SGCD: variants seen among roughly 807,000 people sequenced by gnomAD.
SGCD encodes delta-sarcoglycan.
In SGCD, 18 loss-of-function variants were observed where a neutral mutation model predicts 36.6. The ratio of observed to expected loss-of-function variants is 0.49; its 90% confidence interval spans 0.34 to 0.73. SGCD has a LOEUF of 0.73. Among genes scored for constraint, SGCD ranks in the 30% least tolerant of loss-of-function variants. The pLI is 0.01. For synonymous variants in SGCD, 133 were observed against 130.6 expected (o/e 1.02, Z -0.12); for missense variants, 387 against 346.7 (o/e 1.12, Z -0.92).
intron 1 of SGCD, among the ~76,000 whole-genome samples, chr5:156,078,518 A>AT (rs1222887708): frequency 5.0e-4 from 60 of 120,254 alleles, no homozygotes; most frequent in African/African-American, 1.0e-3. Context: ...CTCAAAAAAA[A>AT]AAATATATAT....
chr5:156,486,574 C>T (rs902553976), intron 3 of SGCD, among the ~76,000 whole-genome samples: 1 of 152,136 alleles, frequency 6.6e-6, no homozygotes, highest in Non-Finnish European at 1.5e-5. Flanking sequence ...CAGCCCCACC[C>T]ACTGATGTCA....
chr5:156,581,538 A>G (rs1469425320), intron 4 of SGCD, among the ~76,000 whole-genome samples: 1 of 152,156 alleles, frequency 6.6e-6, no homozygotes, highest in Non-Finnish European at 1.5e-5. Flanking sequence ...TGGAGTCTAC[A>G]GAGGCAGCAG....
chr5:156,545,263 T>C (rs545797171), intron 4 of SGCD, among the ~76,000 whole-genome samples: 42 of 151,690 alleles, frequency 2.8e-4, no homozygotes, highest in Admixed American at 1.1e-3. Context: ...TTCAATACAG[T>C]GAAAGGAAAG....
chr5:156,325,877 G>T (rs192343702), upstream of SGCD, among the ~76,000 whole-genome samples: 3 of 152,084 alleles, frequency 2.0e-5, no homozygotes, highest in Non-Finnish European at 2.9e-5. Context: ...TTCCCAAGGC[G>T]AAAATCTAAT....
At chr5:156,172,094 C>T (rs555798515) in intron 3 of SGCD, among the ~76,000 whole-genome samples, 1 of 152,064 alleles carries the variant, frequency 6.6e-6, no homozygotes, top group South Asian at 2.1e-4. Flanking sequence ...ACCAACCTGG[C>T]CAACGTGGTG....
intron 4 of SGCD, among the ~76,000 whole-genome samples, chr5:156,548,701 G>C (rs1758676638): frequency 6.6e-6 from 1 of 152,100 alleles, no homozygotes; most frequent in Admixed American, 6.5e-5. Context: ...GGCAATGTGT[G>C]CAGAGTGCTG....
Position 156,758,960 on chromosome 5 carries a change from T to C in SGCD, c.700-257T>C, listed in dbSNP as rs570494062. Among the ~76,000 whole-genome samples the C allele has an allele frequency of 2.6e-5, 4 of 152,334 alleles. No individual in the cohort carries two copies. In the South Asian group the frequency reaches 6.2e-4, roughly 24 times the overall value. ...CATTTATTTGACTCTAGGACTCTAT[T>C]TACATTCTGTATGACATTTTTTTGC... On this transcript the variant is annotated intron_variant, in intron 8 of 8. Coordinates refer to ENST00000337851, the MANE Select transcript of SGCD (RefSeq NM_000337.6).
At chr5:155,975,444 C>T (rs1758091534) in intron 1 of SGCD, among the ~76,000 whole-genome samples, 1 of 151,898 alleles carries the variant, frequency 6.6e-6, no homozygotes, top group African/African-American at 2.4e-5. Flanking sequence ...AATTATTTTG[C>T]CAAAAATATC....
chr5:156,540,757 C>T (rs747352057), intron 4 of SGCD, among the ~76,000 whole-genome samples: 6 of 152,112 alleles, frequency 3.9e-5, no homozygotes, highest in Non-Finnish European at 5.9e-5. Context: ...TGCTTTTTAC[C>T]CAATTGCCTT....
At chr5:156,036,757 G>A (rs79681499) in intron 1 of SGCD, among the ~76,000 whole-genome samples, 16,609 of 152,052 alleles carry the variant, frequency 0.11, 2,581 homozygotes, top group African/African-American at 0.35. Flanking sequence ...TCCATACTTG[G>A]TGGGGCCTGG....
intron 4 of SGCD, among the ~76,000 whole-genome samples, chr5:156,576,294 T>A (rs566534901): frequency 2.4e-3 from 360 of 152,354 alleles, no homozygotes; most frequent in Non-Finnish European, 3.9e-3. Flanking sequence ...ATGGTGTATA[T>A]GTGCCACATT....
At chr5:155,987,663 C>T (rs1758357065) in intron 1 of SGCD, among the ~76,000 whole-genome samples, 1 of 152,198 alleles carries the variant, frequency 6.6e-6, no homozygotes, top group African/African-American at 2.4e-5. Flanking sequence ...CCAGTTCTCA[C>T]AGAAGCTTTT....
At position 156,429,360 on chromosome 5, in the gene SGCD, G is replaced by T. The variant is rs573354229; in HGVS notation, c.193-79241G>T. ...CTCACTTTTGGTTTCCGTTTGCCTA[G>T]AATATCTTTTTCTACCCCTTTACCT... On this transcript the variant is annotated intron_variant, in intron 3 of 8. Transcript: ENST00000337851. Among the ~76,000 whole-genome samples the T allele has an allele frequency of 6.0e-5, 9 of 148,934 alleles. No homozygotes were observed. In the East Asian group the frequency reaches 1.6e-3, roughly 26 times the overall value.
intron 1 of SGCD, among the ~76,000 whole-genome samples, chr5:156,057,833 T>TA (rs113684270): frequency 0.012 from 1,744 of 144,154 alleles, 150 homozygotes; most frequent in African/African-American, 0.041. Context: ...CTAAGAATGC[T>TA]AAAAAAAAAT....
chr5:155,757,312 T>G, the SGCD span, among the ~76,000 whole-genome samples: 2 of 152,218 alleles, frequency 1.3e-5, no homozygotes, highest in Non-Finnish European at 2.9e-5. Flanking sequence ...TAAGTGATTT[T>G]CATATATTCT....
At chr5:155,740,917 T>A in the SGCD span, among the ~76,000 whole-genome samples, 1 of 152,216 alleles carries the variant, frequency 6.6e-6, no homozygotes, top group Non-Finnish European at 1.5e-5. Flanking sequence ...GGACCACGAC[T>A]CATGACACAG....
chr5:155,867,381 G>A (rs370310560), upstream of SGCD, among the ~76,000 whole-genome samples: 5 of 152,336 alleles, frequency 3.3e-5, no homozygotes, highest in African/African-American at 1.2e-4. Flanking sequence ...TTTCATGTGT[G>A]AGGCTCCAAG....
the SGCD span, among the ~76,000 whole-genome samples, chr5:155,808,297 C>G: frequency 6.6e-6 from 1 of 152,178 alleles, no homozygotes; most frequent in South Asian, 2.1e-4. Flanking sequence ...CATTGGAAAG[C>G]AACACCCACC....
chr5:155,851,256 A>G, the SGCD span, among the ~76,000 whole-genome samples: 5 of 152,282 alleles, frequency 3.3e-5, 1 homozygote, highest in African/African-American at 1.2e-4. Context: ...ACATCAGTTG[A>G]AGGATCTGAG....
Sources: allele counts gnomAD v4.1 joint callset (sites outside exome capture counted in the v4.1 genomes callset), GRCh38; gene constraint gnomAD v4.1.1; transcripts MANE v1.5; gene names NCBI Gene and HGNC (gene_info 2026-07-23, HGNC 2026-07-21).